The following PHLDB2 variants were observed in gnomAD, a reference collection of about 807,000 sequenced individuals.
The protein encoded by PHLDB2 is pleckstrin homology-like domain family B member 2.
Under a neutral mutation model 123.6 loss-of-function variants are expected in PHLDB2, and 71 were observed. The observed-to-expected ratio is 0.57, with a 90% CI of 0.47 to 0.70. The LOEUF is 0.70. Among genes scored for constraint, PHLDB2 ranks in the 30% least tolerant of loss-of-function variants. The probability of loss-of-function intolerance (pLI) is 0.00; values close to 1 mark genes in which losing one functional copy is unlikely to be tolerated. For synonymous variants in PHLDB2, 547 were observed against 541.6 expected (o/e 1.01, Z -0.14); for missense variants, 1,446 against 1,519.5 (o/e 0.95, Z 0.80).
At chr3:111,850,309 G>A (rs1410689549) in intron 2 of PHLDB2, among the ~76,000 whole-genome samples, 1 of 152,120 alleles carries the variant, frequency 6.6e-6, no homozygotes, top group Admixed American at 6.5e-5. Flanking sequence ...GAAGGTGAGG[G>A]GGGCAGGGCT....
chr3:111,899,390 G>A (rs1193440526), intron 2 of PHLDB2, among the ~76,000 whole-genome samples: 1 of 152,078 alleles, frequency 6.6e-6, no homozygotes, highest in African/African-American at 2.4e-5. Context: ...TATTAAGCCT[G>A]GCATGCATTT....
At chr3:111,856,861 A>C (rs2064533210), upstream of PHLDB2, among the ~76,000 whole-genome samples, 1 of 152,222 alleles carries the variant, frequency 6.6e-6, no homozygotes, top group South Asian at 2.1e-4. Context: ...CAATAAACAT[A>C]ATTTAAAAAG....
chr3:111,857,379 A>C (rs1040230898), upstream of PHLDB2, among the ~76,000 whole-genome samples: 4 of 150,268 alleles, frequency 2.7e-5, no homozygotes, highest in Admixed American at 6.7e-5. Flanking sequence ...TGAGCCCAGG[A>C]GGTTAAGGCT....
At chr3:111,934,092 T>C (rs192862958) in intron 6 of PHLDB2, among the ~76,000 whole-genome samples, 30 of 152,342 alleles carry the variant, frequency 2.0e-4, no homozygotes, top group Non-Finnish European at 4.0e-4. Context: ...GCAGACAGTC[T>C]TTTCCATTAA....
chr3:111,911,442 G>T (rs2067875822), intron 2 of PHLDB2, among the ~76,000 whole-genome samples: 1 of 152,166 alleles, frequency 6.6e-6, no homozygotes, highest in African/African-American at 2.4e-5. Context: ...GCTCTTGGAG[G>T]TTGTTTTTGC....
At chr3:111,807,078 G>C (rs2061621613) in intron 1 of PHLDB2, among the ~76,000 whole-genome samples, 1 of 151,374 alleles carries the variant, frequency 6.6e-6, no homozygotes. Context: ...CAGTATACTA[G>C]ATACAGGATA....
rs1347835308 is a variant in PHLDB2, at chr3:111,975,791, A to C, written c.*1228A>C. 1.3e-5 allele frequency: 2 copies of C among 152,638 alleles called. No homozygotes were observed. Among genetic ancestry groups the C allele is most frequent in the Admixed American group, 1.3e-4 (2 of 15,286 alleles). The allele number at this position is 152,638 out of a possible 1,614,324, so 9.5% of individuals were successfully genotyped here. On this transcript the variant is annotated 3_prime_UTR_variant, in exon 18 of 18. Coordinates refer to ENST00000431670, the MANE Select transcript of PHLDB2 (RefSeq NM_001134438.2). ...TGAAAGTATGAATGTGCTCTTTCCT[A>C]AAACATGGCAAATGAATAGATGTAG...
chr3:111,753,493 GTTGT>G lies in PHLDB2; in HGVS notation c.-49+20797_-49+20800del, dbSNP rs754014990. Among the ~76,000 whole-genome samples, 167 of 149,782 alleles carry G rather than the reference GTTGT, an allele frequency of 1.1e-3. No individual in the cohort carries two copies. In the Middle Eastern group the frequency reaches 0.022, roughly 19 times the overall value. ...TGTCCTTCGCCCACTTTTTGATGGGGTTGTTTGTTTTTTTCTTGTAAATTTGTTT... is the reference window on the plus strand; with the variant it reads ...TGTCCTTCGCCCACTTTTTGATGGGGTTGTTTTTTTCTTGTAAATTTGTTT... On this transcript the variant is annotated intron_variant, in intron 1 of 17. Coordinates refer to the PHLDB2 transcript ENST00000393923.
intron 1 of PHLDB2, among the ~76,000 whole-genome samples, chr3:111,779,333 G>T (rs764092075): frequency 6.6e-6 from 1 of 151,782 alleles, no homozygotes; most frequent in African/African-American, 2.4e-5. Context: ...TGAGATTTGG[G>T]GTATGATTGA....
At chr3:111,841,136 G>C (rs559303371) in intron 1 of PHLDB2, among the ~76,000 whole-genome samples, 1 of 152,164 alleles carries the variant, frequency 6.6e-6, no homozygotes, top group African/African-American at 2.4e-5. Flanking sequence ...GTCTCACTCT[G>C]TCGCCCAGGC....
chr3:111,831,034 G>GAAAGAAAGGAAGA (rs1559855393), intron 1 of PHLDB2, among the ~76,000 whole-genome samples: 1 of 46,136 alleles, frequency 2.2e-5, no homozygotes, highest in African/African-American at 8.3e-5. Context: ...AGAAAGAAAG[G>GAAAGAAAGGAAGA]AAGGAAGGAA....
At chr3:111,968,126 AG>A (rs2071920170) in intron 15 of PHLDB2, among the ~76,000 whole-genome samples, 1 of 152,212 alleles carries the variant, frequency 6.6e-6, no homozygotes, top group Non-Finnish European at 1.5e-5. Flanking sequence ...CATTTTAAAA[AG>A]AGAATCTTTT....
intron 2 of PHLDB2, among the ~76,000 whole-genome samples, chr3:111,908,073 C>G (rs1282956): frequency 0.58 from 88,154 of 151,958 alleles, 25,817 homozygotes; most frequent in East Asian, 0.72. Flanking sequence ...CAGTCTCCAG[C>G]TTGGCTGATA....
chr3:111,837,057 G>C (rs1327050787), intron 1 of PHLDB2, among the ~76,000 whole-genome samples: 1 of 152,146 alleles, frequency 6.6e-6, no homozygotes, highest in Non-Finnish European at 1.5e-5. Context: ...CTTAGGTTTA[G>C]TTGTTTAATA....
At chr3:111,819,308 C>T (rs141058845) in intron 1 of PHLDB2, among the ~76,000 whole-genome samples, 226 of 152,202 alleles carry the variant, frequency 1.5e-3, no homozygotes, top group African/African-American at 4.4e-3. Context: ...TAGTTTACAA[C>T]GACAAATCTT....
chr3:111,864,005 T>C (rs1239700489), intron 1 of PHLDB2, among the ~76,000 whole-genome samples: 1 of 152,240 alleles, frequency 6.6e-6, no homozygotes, highest in African/African-American at 2.4e-5. Context: ...TGACAGGTTC[T>C]GGCCATATAG....
In PHLDB2 at chr3:111,859,501, G is replaced by A; in HGVS notation, c.-90G>A. ...GCGGCCCGAGGGGGACCCGACGGGGGCCCGACGGTGTGGCGTGGCGCAAGG... is the reference window on the plus strand; with the variant it reads ...GCGGCCCGAGGGGGACCCGACGGGGACCCGACGGTGTGGCGTGGCGCAAGG... On this transcript the variant is annotated 5_prime_UTR_variant, in exon 1 of 18. Coordinates refer to ENST00000431670, the MANE Select transcript of PHLDB2 (RefSeq NM_001134438.2). 1.0e-6 allele frequency: 1 copy of A among 985,622 alleles called. No homozygotes were observed. The highest frequency in any genetic ancestry group is 1.2e-6 in the Non-Finnish European group (1 of 830,068). The allele number at this position is 985,622 out of a possible 1,614,324, so 61.1% of individuals were successfully genotyped here. A position where few individuals can be genotyped will look rare whatever the true frequency, so the allele number is the denominator to read the frequency against.
At chr3:111,897,700 T>C (rs2066953671) in intron 2 of PHLDB2, among the ~76,000 whole-genome samples, 1 of 152,254 alleles carries the variant, frequency 6.6e-6, no homozygotes, top group South Asian at 2.1e-4. Context: ...TTCATTCTGA[T>C]TATAGAATAA....
At chr3:111,953,096 A>T (rs78867782) in intron 11 of PHLDB2, among the ~76,000 whole-genome samples, 2,979 of 152,274 alleles carry the variant, frequency 0.02, 123 homozygotes, top group African/African-American at 0.068. Context: ...TGAGCCTTTT[A>T]TGTGGATTGC....
Sources: gnomAD v4.1 joint callset for allele counts (sites outside exome capture counted in the v4.1 genomes callset) on GRCh38, gnomAD v4.1.1 for gene constraint, MANE v1.5 for transcripts, NCBI Gene and HGNC (gene_info 2026-07-23, HGNC 2026-07-21) for gene names.